The following DENND1A variants were observed in gnomAD, a reference collection of about 807,000 sequenced individuals.
DENND1A encodes DENN domain containing 1A.
In DENND1A, 51 loss-of-function variants were observed where a neutral mutation model predicts 113.7. The ratio of observed to expected loss-of-function variants is 0.45; its 90% CI spans 0.36 to 0.57. The LOEUF is 0.57. Among genes scored for constraint, DENND1A ranks in the 20% least tolerant of loss-of-function variants. The pLI is 0.00. For synonymous variants in DENND1A, 565 were observed against 570.8 expected (o/e 0.99, Z 0.14); for missense variants, 1,258 against 1,395.9 (o/e 0.90, Z 1.57).
At chr9:123,716,827 C>G (rs2067006947) in intron 5 of DENND1A, among the ~76,000 whole-genome samples, 1 of 152,174 alleles carries the variant, frequency 6.6e-6, no homozygotes, top group African/African-American at 2.4e-5. Context: ...CACGTACATG[C>G]TTGACGGGGC....
chr9:123,416,493 C>T (rs1476999165), intron 19 of DENND1A, among the ~76,000 whole-genome samples: 1 of 152,204 alleles, frequency 6.6e-6, no homozygotes, highest in African/African-American at 2.4e-5. Context: ...TCGAAGCAGT[C>T]TGGGCATCTT....
intron 18 of DENND1A, among the ~76,000 whole-genome samples, chr9:123,446,529 T>C (rs535048635): frequency 6.6e-6 from 1 of 152,152 alleles, no homozygotes; most frequent in South Asian, 2.1e-4. Context: ...AGACTCTAAA[T>C]CAACAAGCTC....
At position 123,409,831 on chromosome 9, in the gene DENND1A, T is replaced by C. The variant is rs1215203179; in HGVS notation, c.1542+1945A>G. On this transcript the variant is annotated intron_variant, in intron 20 of 23. Coordinates refer to ENST00000394215, the MANE Select transcript of DENND1A (RefSeq NM_001352964.2). Reference sequence around the variant, plus strand: ...CGTTGGCCGGGTGCGGTGGCTCACGTCTGTAATCCCAGCACTTTGGGAGGC... The same window carrying C: ...CGTTGGCCGGGTGCGGTGGCTCACGCCTGTAATCCCAGCACTTTGGGAGGC... 3.3e-5 allele frequency among the ~76,000 whole-genome samples: 5 copies of C among 152,190 alleles called. No individual in the cohort carries two copies. In the East Asian group the frequency reaches 5.8e-4, roughly 18 times the overall value.
intron 13 of DENND1A, among the ~76,000 whole-genome samples, chr9:123,509,556 C>T (rs1055842348): frequency 6.6e-6 from 1 of 152,210 alleles, no homozygotes; most frequent in African/African-American, 2.4e-5. Context: ...ATGGATGGCA[C>T]ATCCCCAGTG....
chr9:123,854,452 T>G (rs1344462990), intron 2 of DENND1A, among the ~76,000 whole-genome samples: 1 of 152,110 alleles, frequency 6.6e-6, no homozygotes, highest in Non-Finnish European at 1.5e-5. Flanking sequence ...TCCCAGCACT[T>G]TGGGAGGCCG....
intron 14 of DENND1A, 60 bp downstream of exon 14, chr9:123,457,733 G>C: frequency 1.3e-6 from 2 of 1,485,016 alleles, no homozygotes; most frequent in Non-Finnish European, 1.8e-6. Flanking sequence ...TTAGAGTGGA[G>C]ACAGCTGCAG....
intron 13 of DENND1A, among the ~76,000 whole-genome samples, chr9:123,478,984 A>G (rs1018246644): frequency 2.0e-5 from 3 of 152,234 alleles, no homozygotes; most frequent in Non-Finnish European, 4.4e-5. Flanking sequence ...TTGTACACCT[A>G]TTACAGGCTA....
intron 13 of DENND1A, among the ~76,000 whole-genome samples, chr9:123,501,473 T>A (rs757167288): frequency 6.6e-6 from 1 of 152,242 alleles, no homozygotes; most frequent in African/African-American, 2.4e-5. Flanking sequence ...CCTTTGGGTA[T>A]ATATTCAGTA....
intron 2 of DENND1A, among the ~76,000 whole-genome samples, chr9:123,877,155 T>TAACACA (rs1465635202): frequency 2.6e-5 from 4 of 152,202 alleles, no homozygotes; most frequent in African/African-American, 9.7e-5. Context: ...TATATGCATG[T>TAACACA]AACACAACTG....
chr9:123,585,959 A>G (rs1012665312), intron 11 of DENND1A, among the ~76,000 whole-genome samples: 2 of 152,156 alleles, frequency 1.3e-5, no homozygotes, highest in South Asian at 4.1e-4. Context: ...TTTTTAATAC[A>G]CACAATAGCC....
At chr9:123,756,619 T>TG (rs1778492892) in intron 5 of DENND1A, among the ~76,000 whole-genome samples, 1 of 152,196 alleles carries the variant, frequency 6.6e-6, no homozygotes, top group Non-Finnish European at 1.5e-5. Context: ...AAAGCACTAA[T>TG]GATACTAAGA....
At chr9:123,591,486 C>T (rs1411042458) in intron 11 of DENND1A, among the ~76,000 whole-genome samples, 1 of 152,206 alleles carries the variant, frequency 6.6e-6, no homozygotes, top group Non-Finnish European at 1.5e-5. Context: ...CTCTGCTCGT[C>T]CAACAGCTGT....
chr9:123,464,136 A>G (rs1365519917), intron 13 of DENND1A, among the ~76,000 whole-genome samples: 1 of 152,192 alleles, frequency 6.6e-6, no homozygotes, highest in African/African-American at 2.4e-5. Context: ...CCATCCACAC[A>G]CCCAAACATT....
chr9:123,385,511 G>A (rs995809654), intron 22 of DENND1A, among the ~76,000 whole-genome samples: 4 of 152,324 alleles, frequency 2.6e-5, no homozygotes, highest in South Asian at 2.1e-4. Context: ...GTGGCCCTAC[G>A]TCAGGCGGAG....
At chr9:123,442,991 T>A (rs1476521071) in intron 18 of DENND1A, among the ~76,000 whole-genome samples, 2 of 152,186 alleles carry the variant, frequency 1.3e-5, no homozygotes, top group African/African-American at 4.8e-5. Context: ...AGAGTTTCCC[T>A]GTGTGGACGG....
chr9:123,435,679 A>C (rs911305061), intron 19 of DENND1A, among the ~76,000 whole-genome samples: 6 of 152,230 alleles, frequency 3.9e-5, no homozygotes, highest in Admixed American at 3.9e-4. Context: ...GGGAAGCCTC[A>C]GTCTCTAGCC....
intron 3 of DENND1A, 89 bp from the exon 4 acceptor site, chr9:123,769,652 TA>T: frequency 1.8e-6 from 2 of 1,135,448 alleles, no homozygotes; most frequent in South Asian, 3.5e-5. Flanking sequence ...AACTTTACCC[TA>T]AAGAAAGAGG....
intron 2 of DENND1A, among the ~76,000 whole-genome samples, chr9:123,811,632 G>A (rs1468501330): frequency 3.3e-5 from 5 of 152,126 alleles, no homozygotes; most frequent in South Asian, 2.1e-4. Flanking sequence ...GGTGGTGGGC[G>A]CCTGTAGTCC....
At chr9:123,395,205 A>G (rs2043052604) in intron 21 of DENND1A, among the ~76,000 whole-genome samples, 2 of 152,138 alleles carry the variant, frequency 1.3e-5, no homozygotes, top group African/African-American at 4.8e-5. Flanking sequence ...CTGTTCCTAA[A>G]GCATCCCCAA....
Sources: gnomAD v4.1 joint callset for allele counts (sites outside exome capture counted in the v4.1 genomes callset) on GRCh38, gnomAD v4.1.1 for gene constraint, MANE v1.5 for transcripts, NCBI Gene and HGNC (gene_info 2026-07-23, HGNC 2026-07-21) for gene names.